SDK1: variants seen among roughly 807,000 people sequenced by gnomAD.
SDK1 encodes sidekick cell adhesion molecule 1.
A neutral mutation model predicts 245.5 loss-of-function variants in SDK1; 157 were observed. The observed-to-expected ratio is 0.64, with a 90% CI of 0.56 to 0.73. The LOEUF (loss-of-function observed/expected upper bound fraction) is 0.73, where lower values mean the gene tolerates loss of function less well. Among genes scored for constraint, SDK1 ranks in the 30% least tolerant of loss-of-function variants. The pLI, the probability that SDK1 is intolerant of heterozygous loss-of-function variation, is 0.00. For missense variants in SDK1, 3,583 were observed against 3,002.3 expected (o/e 1.19, Z -4.52); for synonymous variants, 1,647 against 1,278.5 (o/e 1.29, Z -6.15).
intron 14 of SDK1, among the ~76,000 whole-genome samples, chr7:4,000,800 A>G (rs1785018362): frequency 6.6e-6 from 1 of 152,178 alleles, no homozygotes; most frequent in Non-Finnish European, 1.5e-5. Context: ...GGAGCATTTC[A>G]TATTTTAGCT....
chr7:4,020,484 C>T (rs968636491), intron 17 of SDK1, among the ~76,000 whole-genome samples: 12 of 152,194 alleles, frequency 7.9e-5, no homozygotes, highest in Non-Finnish European at 1.5e-4. Context: ...ATCAGACCAC[C>T]AGTCTAGAAA....
At chr7:3,886,355 G>A (rs763159321) in intron 5 of SDK1, among the ~76,000 whole-genome samples, 4 of 152,338 alleles carry the variant, frequency 2.6e-5, no homozygotes, top group Middle Eastern at 3.4e-3. Context: ...GCCAGCATGC[G>A]CTGTACGGCT....
Position 3,301,545 on chromosome 7 carries a change from C to CCCGT in SDK1, c.-34_-31dup, listed in dbSNP as rs995350716. 27 of 738,042 alleles carry CCCGT rather than the reference C, an allele frequency of 3.7e-5. No individual in the cohort carries two copies. Among genetic ancestry groups the CCCGT allele is most frequent in the Non-Finnish European group, 4.3e-5 (26 of 607,888 alleles). 45.7% of individuals were successfully genotyped at this position (738,042 alleles called of 1,614,324 possible). A position where few individuals can be genotyped will look rare whatever the true frequency, so the allele number is the denominator to read the frequency against. On this transcript the variant is annotated 5_prime_UTR_variant, in exon 1 of 45. Transcript: ENST00000404826. The stretch of plus-strand genomic sequence containing the variant: ...GGAGCCGTCCCGCCTGTCCTGCCCG[C>CCCGT]CCGTCCGTCCGGCGCGGCGCTCGGG...
chr7:3,959,114 G>A (rs1210607692), intron 8 of SDK1, 100 bp downstream of exon 8: 3 of 914,466 alleles, frequency 3.3e-6, no homozygotes, highest in African/African-American at 3.3e-5. Context: ...GAGACATTGA[G>A]TGTGATGGCG....
At chr7:3,953,361 A>G (rs1173046575) in intron 7 of SDK1, among the ~76,000 whole-genome samples, 2 of 152,204 alleles carry the variant, frequency 1.3e-5, no homozygotes, top group African/African-American at 4.8e-5. Context: ...AAAGTCTGTT[A>G]AAAGCATCCA....
intron 13 of SDK1, among the ~76,000 whole-genome samples, chr7:3,982,040 G>A (rs1003309775): frequency 1.3e-5 from 2 of 152,202 alleles, no homozygotes; most frequent in Non-Finnish European, 2.9e-5. Context: ...AAGCTTCAAA[G>A]GGCAGGCTGA....
At chr7:3,984,361 G>A (rs144648107) in intron 13 of SDK1, among the ~76,000 whole-genome samples, 9 of 152,304 alleles carry the variant, frequency 5.9e-5, no homozygotes, top group African/African-American at 1.9e-4. Flanking sequence ...GGTTGTTTCT[G>A]TGTGCACTCT....
At chr7:3,932,466 C>T (rs896060374) in intron 5 of SDK1, among the ~76,000 whole-genome samples, 141 of 152,314 alleles carry the variant, frequency 9.3e-4, no homozygotes, top group African/African-American at 3.3e-3. Flanking sequence ...AACCTTGGGT[C>T]ATATCAGAAA....
chr7:3,693,819 C>G (rs572207500), intron 4 of SDK1, among the ~76,000 whole-genome samples: 1 of 152,220 alleles, frequency 6.6e-6, no homozygotes, highest in African/African-American at 2.4e-5. Context: ...TATCCCCTAG[C>G]TATGTATACT....
chr7:3,428,706 C>T (rs1336757432), intron 1 of SDK1, among the ~76,000 whole-genome samples: 1 of 152,168 alleles, frequency 6.6e-6, no homozygotes, highest in African/African-American at 2.4e-5. Context: ...TTGTAAAGAG[C>T]TACTCAAAGC....
chr7:3,437,248 T>C (rs1780055140), intron 1 of SDK1, among the ~76,000 whole-genome samples: 2 of 152,200 alleles, frequency 1.3e-5, no homozygotes, highest in East Asian at 1.9e-4. Flanking sequence ...AAGTTTTTTT[T>C]TCTCTTAAAA....
At chr7:3,370,951 C>T (rs945264215) in intron 1 of SDK1, among the ~76,000 whole-genome samples, 9 of 152,122 alleles carry the variant, frequency 5.9e-5, no homozygotes, top group Non-Finnish European at 8.8e-5. Context: ...TCCCAACATG[C>T]AGCCCCGCAG....
chr7:4,100,556 T>C (rs1298211492), intron 22 of SDK1, among the ~76,000 whole-genome samples: 2 of 152,022 alleles, frequency 1.3e-5, no homozygotes, highest in East Asian at 3.9e-4. Flanking sequence ...GGTGGAGCCC[T>C]CACCAATGCG....
intron 4 of SDK1, among the ~76,000 whole-genome samples, chr7:3,780,981 A>G (rs1780716773): frequency 6.6e-6 from 1 of 151,672 alleles, no homozygotes; most frequent in Non-Finnish European, 1.5e-5. Flanking sequence ...AAGCAGGGAG[A>G]CTCCCACCTT....
chr7:3,405,815 T>G (rs751601907), intron 1 of SDK1, among the ~76,000 whole-genome samples: 2 of 88,744 alleles, frequency 2.3e-5, no homozygotes, highest in Non-Finnish European at 4.3e-5. Flanking sequence ...TCTTTCTTTC[T>G]TTTTTTTTTT....
chr7:3,322,894 C>T (rs938130204), intron 1 of SDK1, among the ~76,000 whole-genome samples: 3 of 152,154 alleles, frequency 2.0e-5, no homozygotes, highest in African/African-American at 7.2e-5. Context: ...ACTACAGCGT[C>T]TACCTCCCAG....
chr7:3,359,507 T>A (rs34886900), intron 1 of SDK1, among the ~76,000 whole-genome samples: 35,487 of 151,980 alleles, frequency 0.23, 4,736 homozygotes, highest in East Asian at 0.38. Flanking sequence ...AGTTTTTAAT[T>A]TTTTGATTGT....
intron 36 of SDK1, among the ~76,000 whole-genome samples, chr7:4,206,341 T>C (rs940475270): frequency 7.2e-5 from 11 of 152,148 alleles, no homozygotes; most frequent in African/African-American, 2.4e-4. Flanking sequence ...CCCCAGTACA[T>C]TGGCTGACTA....
At chr7:3,719,621 T>C (rs2115027653) in intron 4 of SDK1, among the ~76,000 whole-genome samples, 1 of 152,252 alleles carries the variant, frequency 6.6e-6, no homozygotes, top group Admixed American at 6.5e-5. Flanking sequence ...TGACCTAAAG[T>C]TCATATTTCA....
Sources: gnomAD v4.1 joint callset for allele counts (sites outside exome capture counted in the v4.1 genomes callset) on GRCh38, gnomAD v4.1.1 for gene constraint, MANE v1.5 for transcripts, NCBI Gene and HGNC (gene_info 2026-07-23, HGNC 2026-07-21) for gene names.